Variants in GLIS3 observed in about 807,000 individuals in gnomAD.
GLIS3 encodes the protein GLIS family zinc finger 3, also known as zinc finger protein GLIS3.
A neutral mutation model predicts 78.6 loss-of-function variants in GLIS3; 53 were observed. The ratio of observed to expected loss-of-function variants is 0.67; its 90% CI spans 0.54 to 0.85. GLIS3 has a LOEUF of 0.85. Ranked by LOEUF, GLIS3 falls within the 40% of genes least tolerant of loss-of-function variation. GLIS3 has a pLI of 0.00. For synonymous variants in GLIS3, 684 were observed against 509.9 expected (o/e 1.34, Z -4.60); for missense variants, 1,703 against 1,231.1 (o/e 1.38, Z -5.74).
intron 4 of GLIS3, among the ~76,000 whole-genome samples, chr9:4,066,515 C>G (rs974266805): frequency 1.3e-5 from 2 of 152,242 alleles, no homozygotes; most frequent in African/African-American, 4.8e-5. Context: ...TCTCTCCCTA[C>G]TACTCTAGGC....
chr9:4,342,987 C>A (rs781771043), intron 2 of GLIS3, among the ~76,000 whole-genome samples: 2 of 151,992 alleles, frequency 1.3e-5, no homozygotes, highest in African/African-American at 2.4e-5. Context: ...GATCTAGGAG[C>A]TTTTGGGCAT....
chr9:4,363,247 AC>A, the GLIS3 span, among the ~76,000 whole-genome samples: 5 of 152,002 alleles, frequency 3.3e-5, no homozygotes, highest in Non-Finnish European at 5.9e-5. Flanking sequence ...ACATGGTAAA[AC>A]CCCGTCTCTA....
chr9:4,451,102 C>A, the GLIS3 span, among the ~76,000 whole-genome samples: 2 of 152,080 alleles, frequency 1.3e-5, no homozygotes, highest in African/African-American at 4.8e-5. Flanking sequence ...TTCAGGAAAC[C>A]CATCTCATGT....
chr9:4,084,626 G>A (rs977200250), intron 4 of GLIS3, among the ~76,000 whole-genome samples: 2 of 152,098 alleles, frequency 1.3e-5, no homozygotes, highest in African/African-American at 4.8e-5. Flanking sequence ...AAAATAACTC[G>A]TGGTAACAGA....
chr9:4,446,281 G>T, the GLIS3 span, among the ~76,000 whole-genome samples: 17 of 152,162 alleles, frequency 1.1e-4, no homozygotes, highest in African/African-American at 4.1e-4. Flanking sequence ...GGTTGAAGGG[G>T]GTACCCTTGA....
chr9:4,034,852 T>C (rs924080817), intron 4 of GLIS3: 7 of 152,148 alleles, frequency 4.6e-5, no homozygotes, highest in Non-Finnish European at 5.9e-5. Context: ...AGAATGACCT[T>C]CTTCTTCAGA....
intron 4 of GLIS3, among the ~76,000 whole-genome samples, chr9:4,026,222 T>C (rs1383721971): frequency 6.6e-6 from 1 of 152,198 alleles, no homozygotes; most frequent in Non-Finnish European, 1.5e-5. Flanking sequence ...AGAGAGTGGA[T>C]TTACCCACGT....
chr9:3,969,295 T>C (rs1818195190), intron 4 of GLIS3, among the ~76,000 whole-genome samples: 2 of 152,218 alleles, frequency 1.3e-5, no homozygotes, highest in Non-Finnish European at 2.9e-5. Flanking sequence ...GAATAAAAGG[T>C]TGCTTATAAT....
intron 3 of GLIS3, among the ~76,000 whole-genome samples, chr9:4,122,678 G>T (rs1224336114): frequency 6.6e-6 from 1 of 152,174 alleles, no homozygotes; most frequent in Non-Finnish European, 1.5e-5. Context: ...TAAAATGCAG[G>T]ATTACAATGC....
intron 7 of GLIS3, among the ~76,000 whole-genome samples, chr9:3,895,643 G>T (rs1822776058): frequency 6.6e-6 from 1 of 152,146 alleles, no homozygotes; most frequent in Non-Finnish European, 1.5e-5. Context: ...TTTCAATGAG[G>T]GAAGGCAACA....
intron 2 of GLIS3, among the ~76,000 whole-genome samples, chr9:4,235,398 C>A (rs994019700): frequency 4.0e-5 from 6 of 151,818 alleles, no homozygotes; most frequent in Non-Finnish European, 7.4e-5. Context: ...CATGCATGTG[C>A]CACCGCTTAA....
chr9:4,280,967 G>T (rs1469393613), intron 2 of GLIS3, among the ~76,000 whole-genome samples: 1 of 152,140 alleles, frequency 6.6e-6, no homozygotes, highest in Non-Finnish European at 1.5e-5. Context: ...CATGCTCAGT[G>T]TTTCAGTAAT....
At chr9:4,205,922 C>G (rs1257515820) in intron 2 of GLIS3, among the ~76,000 whole-genome samples, 1 of 152,186 alleles carries the variant, frequency 6.6e-6, no homozygotes, top group Non-Finnish European at 1.5e-5. Flanking sequence ...CTCAAAGGAT[C>G]AGGTGTGGTC....
At chr9:4,189,436 C>G (rs4501633) in intron 2 of GLIS3, among the ~76,000 whole-genome samples, 141,101 of 152,182 alleles carry the variant, frequency 0.93, 65,543 homozygotes, top group African/African-American at 0.95. Flanking sequence ...TTTTGGAATA[C>G]GTGTGGTGTG....
intron 2 of GLIS3, among the ~76,000 whole-genome samples, chr9:4,195,064 G>A (rs1021406761): frequency 6.6e-6 from 1 of 152,272 alleles, no homozygotes; most frequent in African/African-American, 2.4e-5. Flanking sequence ...TGCCTCAGCA[G>A]TAGGGCTAGA....
At chr9:4,104,185 G>C (rs921999823) in intron 4 of GLIS3, among the ~76,000 whole-genome samples, 1 of 152,074 alleles carries the variant, frequency 6.6e-6, no homozygotes, top group Non-Finnish European at 1.5e-5. Flanking sequence ...TTCACTATTT[G>C]AATGTCTAAA....
the GLIS3 span, among the ~76,000 whole-genome samples, chr9:4,449,360 G>A: frequency 6.6e-6 from 1 of 152,216 alleles, no homozygotes; most frequent in Non-Finnish European, 1.5e-5. Context: ...TGCAAGGCCT[G>A]CTGCCTCTGT....
intron 2 of GLIS3, chr9:4,152,227 T>G: frequency 1.9e-6 from 1 of 516,966 alleles, no homozygotes; most frequent in Non-Finnish European, 2.5e-6. Flanking sequence ...TTTCTAGAAA[T>G]CAGAAGTGAC....
At position 3,824,746 on chromosome 9, in the gene GLIS3, A is replaced by G. The variant is rs920835154; in HGVS notation, c.*3526T>C. On this transcript the variant is annotated 3_prime_UTR_variant, in exon 11 of 11. Coordinates refer to ENST00000381971, the MANE Select transcript of GLIS3 (RefSeq NM_001042413.2). The stretch of plus-strand genomic sequence containing the variant: ...TTCATTTCTCTACGTGAGTGTATAT[A>G]ACTATGTACAAGAGTCTGTGTGATT... The G allele has an allele frequency of 2.6e-5, 4 of 152,616 alleles. No individual in the cohort carries two copies. Among genetic ancestry groups the G allele is most frequent in the Non-Finnish European group, 5.9e-5 (4 of 68,050 alleles). The allele number at this position is 152,616 out of a possible 1,614,324, so 9.5% of individuals were successfully genotyped here.
Sources: gnomAD v4.1 joint callset for allele counts (sites outside exome capture counted in the v4.1 genomes callset) on GRCh38, gnomAD v4.1.1 for gene constraint, MANE v1.5 for transcripts, NCBI Gene and HGNC (gene_info 2026-07-23, HGNC 2026-07-21) for gene names.